The following CRTC3 variants were observed in gnomAD, a reference collection of about 807,000 sequenced individuals.
CRTC3 encodes the protein CREB-regulated transcription coactivator 3.
CRTC3 carries 26 observed loss-of-function variants against 74.5 expected under a neutral mutation model. That is an observed-to-expected ratio of 0.35 (90% CI 0.26 to 0.48). The LOEUF is 0.48. Among genes scored for constraint, CRTC3 ranks in the 20% least tolerant of loss-of-function variants. The pLI is 0.99. For missense variants in CRTC3, 760 were observed against 787.3 expected (o/e 0.97, Z 0.41); for synonymous variants, 377 against 325.8 (o/e 1.16, Z -1.69).
intron 11 of CRTC3, among the ~76,000 whole-genome samples, chr15:90,634,178 C>T (rs1057341130): frequency 6.7e-6 from 1 of 150,324 alleles, no homozygotes; most frequent in Non-Finnish European, 1.5e-5. Flanking sequence ...GTGGTGTGAT[C>T]TCGGCTCATT....
At chr15:90,634,702 ATGAGAC>A in intron 11 of CRTC3, 1 of 675,730 alleles carries the variant, frequency 1.5e-6, no homozygotes, top group Admixed American at 2.1e-5. Flanking sequence ...AGAGCGGAGT[ATGAGAC>A]TGAGGCGAAG....
intron 10 of CRTC3, among the ~76,000 whole-genome samples, chr15:90,628,792 C>T (rs534209957): frequency 6.6e-6 from 1 of 151,936 alleles, no homozygotes; most frequent in East Asian, 1.9e-4. Context: ...TCCCCAAGGG[C>T]CATGACTCGC....
chr15:90,584,678 G>T (rs1002859601), intron 2 of CRTC3, among the ~76,000 whole-genome samples: 2 of 152,194 alleles, frequency 1.3e-5, no homozygotes, highest in African/African-American at 4.8e-5. Context: ...GAACCAAGCA[G>T]CATCATGGGC....
chr15:90,616,967 C>T (rs1260679585), intron 7 of CRTC3, among the ~76,000 whole-genome samples: 3 of 152,198 alleles, frequency 2.0e-5, no homozygotes, highest in Non-Finnish European at 4.4e-5. Flanking sequence ...TTCCCCATTT[C>T]ATCGTTGTTG....
At chr15:90,553,963 G>A (rs1289136308) in intron 2 of CRTC3, among the ~76,000 whole-genome samples, 1 of 152,172 alleles carries the variant, frequency 6.6e-6, no homozygotes, top group African/African-American at 2.4e-5. Flanking sequence ...GCAGTACAGA[G>A]GCTGCATAGT....
chr15:90,615,041 C>T (rs1196724591), intron 7 of CRTC3, among the ~76,000 whole-genome samples: 1 of 151,668 alleles, frequency 6.6e-6, no homozygotes, highest in Non-Finnish European at 1.5e-5. Flanking sequence ...TCCAGTCTGG[C>T]GACCGAGCGA....
At chr15:90,621,353 C>T (rs991126004) in intron 9 of CRTC3, among the ~76,000 whole-genome samples, 8 of 151,912 alleles carry the variant, frequency 5.3e-5, no homozygotes, top group African/African-American at 1.9e-4. Flanking sequence ...GATGGAGTAT[C>T]GCTCTGTCGC....
chr15:90,604,607 A>G (rs1968168855), intron 5 of CRTC3, 160 bp downstream of exon 5: 2 of 606,202 alleles, frequency 3.3e-6, no homozygotes, highest in Admixed American at 5.5e-5. Context: ...TACAGGGGAA[A>G]GTATAGAGCA....
At chr15:90,531,449 T>G (rs1252772112) in intron 1 of CRTC3, among the ~76,000 whole-genome samples, 1 of 152,142 alleles carries the variant, frequency 6.6e-6, no homozygotes, top group Admixed American at 6.5e-5. Flanking sequence ...TAGGTGACAG[T>G]TGCCATTTAT....
chr15:90,617,537 T>G (rs1227654602), intron 7 of CRTC3, among the ~76,000 whole-genome samples: 1 of 152,138 alleles, frequency 6.6e-6, no homozygotes, highest in Non-Finnish European at 1.5e-5. Flanking sequence ...TGTTGTTGTC[T>G]TTGTTTTTTT....
intron 2 of CRTC3, among the ~76,000 whole-genome samples, chr15:90,556,994 A>G (rs1966905258): frequency 7.1e-6 from 1 of 141,104 alleles, no homozygotes; most frequent in African/African-American, 2.7e-5. Context: ...ATATATATAT[A>G]TATATCTTTA....
intron 6 of CRTC3, among the ~76,000 whole-genome samples, chr15:90,611,601 G>A (rs1014804080): frequency 3.9e-5 from 6 of 152,028 alleles, no homozygotes; most frequent in Admixed American, 2.0e-4. Flanking sequence ...TCTGGTCACC[G>A]CAGCCCAGAC....
At chr15:90,638,070 G>C (rs1969304077) in intron 11 of CRTC3, 1 of 213,530 alleles carries the variant, frequency 4.7e-6, no homozygotes, top group Admixed American at 5.3e-5. Context: ...GTAGTGTCTT[G>C]TTTTAACAGG....
chr15:90,637,669 C>G (rs1032369484), intron 11 of CRTC3, among the ~76,000 whole-genome samples: 1 of 152,270 alleles, frequency 6.6e-6, no homozygotes, highest in South Asian at 2.1e-4. Context: ...TTCCAGTCTC[C>G]TGGCAGGTGG....
chr15:90,553,786 T>G (rs1319133130), intron 2 of CRTC3, among the ~76,000 whole-genome samples: 1 of 152,172 alleles, frequency 6.6e-6, no homozygotes, highest in Non-Finnish European at 1.5e-5. Flanking sequence ...CTGAATCAGA[T>G]TCCATTAATC....
chr15:90,634,879 G>C (rs1052141607), intron 11 of CRTC3: 2 of 1,560,376 alleles, frequency 1.3e-6, no homozygotes, highest in Admixed American at 1.7e-5. Flanking sequence ...GTTGGATCGG[G>C]TTCTAAAGGT....
chr15:90,613,089 A>G (rs1350608033), intron 6 of CRTC3, among the ~76,000 whole-genome samples: 2 of 125,590 alleles, frequency 1.6e-5, no homozygotes, highest in Non-Finnish European at 3.3e-5. Flanking sequence ...AATCCCAACT[A>G]CTGGGGAGGC....
intron 7 of CRTC3, among the ~76,000 whole-genome samples, chr15:90,616,860 T>C (rs2151087428): frequency 6.6e-6 from 1 of 152,336 alleles, no homozygotes; most frequent in Admixed American, 6.5e-5. Context: ...TCAGATCCTC[T>C]TGGTTGTTGG....
chr15:90,560,379 T>C (rs1056966858), intron 2 of CRTC3, among the ~76,000 whole-genome samples: 4 of 152,234 alleles, frequency 2.6e-5, no homozygotes, highest in African/African-American at 9.6e-5. Context: ...TCCCAGACTT[T>C]GGCCACATAA....
Sources: gnomAD v4.1 joint callset for allele counts (sites outside exome capture counted in the v4.1 genomes callset) on GRCh38, gnomAD v4.1.1 for gene constraint, MANE v1.5 for transcripts, NCBI Gene and HGNC (gene_info 2026-07-23, HGNC 2026-07-21) for gene names.